The following BTF3 variants were observed in gnomAD, a reference collection of about 807,000 sequenced individuals.
The protein encoded by BTF3 is basic transcription factor 3.
Under a neutral mutation model 23.9 loss-of-function variants are expected in BTF3, and 12 were observed. The observed-to-expected ratio is 0.50, with a 90% CI of 0.32 to 0.81. The LOEUF is 0.81. Ranked by LOEUF, BTF3 falls within the 40% of genes least tolerant of loss-of-function variation. The probability of loss-of-function intolerance (pLI) is 0.03; values close to 1 mark genes in which losing one functional copy is unlikely to be tolerated. For synonymous variants in BTF3, 96 were observed against 94.8 expected, an observed-to-expected ratio of 1.01 and a Z score of -0.07; for missense variants, 215 against 255.9, an observed-to-expected ratio of 0.84 and a Z score of 1.09.
At position 73,505,123 on chromosome 5, in the gene BTF3, C is replaced by T. The variant is rs1269718522; in HGVS notation, c.575-69C>T. 6 of 1,293,126 alleles carry T rather than the reference C, an allele frequency of 4.6e-6. No homozygotes were observed. In the Admixed American group the frequency reaches 1.0e-4, roughly 22 times the overall value. The allele number at this position is 1,293,126 out of a possible 1,614,324, so 80.1% of individuals were successfully genotyped here. Reference sequence around the variant, plus strand: ...CAAATGAATGTCTTTCCTTCATCCCCTTTTAATATCTGATAATTATTTGTA... The same window carrying T: ...CAAATGAATGTCTTTCCTTCATCCCTTTTTAATATCTGATAATTATTTGTA... On this transcript the variant is annotated intron_variant, in intron 5 of 5. Coordinates refer to ENST00000380591, the MANE Select transcript of BTF3 (RefSeq NM_001037637.2).
chr5:73,499,284 A>G (rs756133112), intron 2 of BTF3, 82 bp downstream of exon 2: 3 of 1,445,044 alleles, frequency 2.1e-6, no homozygotes, highest in South Asian at 2.4e-5. Flanking sequence ...TGCGCTTCTT[A>G]TATTATCGGT....
chr5:73,504,032 T>C (rs1351542479), intron 4 of BTF3, among the ~76,000 whole-genome samples: 1 of 152,194 alleles, frequency 6.6e-6, no homozygotes, highest in Non-Finnish European at 1.5e-5. Context: ...TGATTTGGTA[T>C]GTGGGTTTTA....
intron 2 of BTF3, chr5:73,499,420 T>A: frequency 1.5e-6 from 1 of 655,938 alleles, no homozygotes; most frequent in Non-Finnish European, 2.8e-6. Context: ...CATGTTTGTG[T>A]TTTCAGTGTT....
chr5:73,504,279 T>A, intron 4 of BTF3, 68 bp from the exon 5 acceptor site: 1 of 666,828 alleles, frequency 1.5e-6, no homozygotes. Flanking sequence ...TTTTTTTTTT[T>A]TTTTTTTTTT....
intron 2 of BTF3, among the ~76,000 whole-genome samples, chr5:73,501,954 C>T (rs1005897447): frequency 1.3e-5 from 2 of 151,904 alleles, no homozygotes; most frequent in African/African-American, 2.4e-5. Flanking sequence ...GATCACTTGA[C>T]GCCAGCAGTT....
At chr5:73,503,213 T>C in intron 4 of BTF3, 96 bp downstream of exon 4, 1 of 1,287,104 alleles carries the variant, frequency 7.8e-7, no homozygotes. Flanking sequence ...TTTTTAAGTT[T>C]GGAAATGCAA....
chr5:73,501,513 T>C (rs1324153346), intron 2 of BTF3, among the ~76,000 whole-genome samples: 1 of 152,144 alleles, frequency 6.6e-6, no homozygotes, highest in Non-Finnish European at 1.5e-5. Context: ...CTTTGGGTAG[T>C]TGAGAAAGAC....
intron 2 of BTF3, among the ~76,000 whole-genome samples, chr5:73,501,806 A>C (rs1204164811): frequency 6.6e-6 from 1 of 152,202 alleles, no homozygotes; most frequent in Non-Finnish European, 1.5e-5. Flanking sequence ...ATACAGATTC[A>C]TTTGATTGTT....
chr5:73,498,850 C>CCGAGG, intron 1 of BTF3, 51 bp downstream of exon 1: 4 of 1,495,370 alleles, frequency 2.7e-6, no homozygotes, highest in Non-Finnish European at 3.5e-6. Flanking sequence ...CCTGGCTAGG[C>CCGAGG]CGAGGCCAGG....
At chr5:73,504,523 T>C (rs915890331) in intron 5 of BTF3, 120 bp downstream of exon 5, 3 of 673,124 alleles carry the variant, frequency 4.5e-6, no homozygotes, top group South Asian at 2.3e-5. Context: ...AGATCTTACT[T>C]AGAATGAGAA....
chr5:73,503,990 G>A (rs1402111825), intron 4 of BTF3, among the ~76,000 whole-genome samples: 15 of 152,134 alleles, frequency 9.9e-5, no homozygotes, highest in Admixed American at 9.8e-4. Context: ...TTGAGAAAAT[G>A]GCATCTTCAT....
rs1746336469 is a variant in BTF3, at chr5:73,498,546, T to G, written c.-122T>G. ...CCTAGTCCCCCGCGCGGCCCCTTAT[T>G]CGCTCCGACAAGGTACAAAAAGGCT... On this transcript the variant is annotated 5_prime_UTR_variant, in exon 1 of 6. The change creates a new upstream start codon in the 5' untranslated region. Coordinates refer to ENST00000380591, the MANE Select transcript of BTF3 (RefSeq NM_001037637.2). 1 of 1,367,130 alleles carries G rather than the reference T, an allele frequency of 7.3e-7. No homozygotes were observed. Among genetic ancestry groups the G allele is most frequent in the African/African-American group, 1.5e-5 (1 of 64,800 alleles). 84.7% of individuals were successfully genotyped at this position (1,367,130 alleles called of 1,614,324 possible).
At chr5:73,504,253 G>A (rs1746502887) in intron 4 of BTF3, 94 bp from the exon 5 acceptor site, 2 of 792,896 alleles carry the variant, frequency 2.5e-6, no homozygotes, top group Non-Finnish European at 3.7e-6. Context: ...ACAACACTTG[G>A]CATTTCATCT....
chr5:73,498,862 C>T, intron 1 of BTF3, 63 bp downstream of exon 1: 1 of 1,490,902 alleles, frequency 6.7e-7, no homozygotes, highest in Non-Finnish European at 8.8e-7. Context: ...GAGGCCAGGC[C>T]AGGGCCAGGG....
At chr5:73,499,331 A>G (rs774698723) in intron 2 of BTF3, 129 bp downstream of exon 2, 2 of 1,014,052 alleles carry the variant, frequency 2.0e-6, no homozygotes, top group African/African-American at 1.9e-5. Flanking sequence ...TCACGGAGCT[A>G]GCAAATCTCG....
chr5:73,501,472 T>C (rs1282303318), intron 2 of BTF3, among the ~76,000 whole-genome samples: 1 of 152,100 alleles, frequency 6.6e-6, no homozygotes, highest in Non-Finnish European at 1.5e-5. Context: ...TAGAAAGAAA[T>C]TGATGAGTGA....
At chr5:73,501,068 G>A (rs1400878640) in intron 2 of BTF3, among the ~76,000 whole-genome samples, 1 of 151,962 alleles carries the variant, frequency 6.6e-6, no homozygotes, top group Non-Finnish European at 1.5e-5. Flanking sequence ...GCCTAGCAGT[G>A]GCGATAATTG....
rs377277739 is a variant in BTF3, at chr5:73,505,196, T to G, written c.579T>G (p.Leu193=). The change falls in exon 6 of 6, where the codon CTT becomes CTG. Residue 193 remains leucine (L), a synonymous_variant. Transcript: ENST00000380591. ...CTACTCTTTTCCTTTTCCTAGATCT[T>G]GTGGAGAATTTTGATGAGGCTTCCA... ...GEDDDDEVPD[L]VENFDEASKN... is the part of the protein sequence containing the mutation. 31 of 1,609,810 alleles carry G rather than the reference T, an allele frequency of 1.9e-5. No individual in the cohort carries two copies. The highest frequency in any genetic ancestry group is 2.5e-5 in the Non-Finnish European group (30 of 1,179,224).
At chr5:73,499,281 C>G (rs1384358772) in intron 2 of BTF3, 79 bp downstream of exon 2, 2 of 1,456,762 alleles carry the variant, frequency 1.4e-6, no homozygotes, top group South Asian at 2.3e-5. Flanking sequence ...TTTTGCGCTT[C>G]TTATATTATC....
Sources: gnomAD v4.1 joint callset for allele counts (sites outside exome capture counted in the v4.1 genomes callset) on GRCh38, gnomAD v4.1.1 for gene constraint, MANE v1.5 for transcripts, NCBI Gene and HGNC (gene_info 2026-07-23, HGNC 2026-07-21) for gene names.